COMMD1: variants seen among roughly 807,000 people sequenced by gnomAD.
The protein encoded by COMMD1 is copper metabolism domain containing 1, also known as COMM domain-containing protein 1.
Under a neutral mutation model 17.2 loss-of-function variants are expected in COMMD1, and 10 were observed. The observed-to-expected ratio is 0.58, with a 90% CI of 0.36 to 0.99. The LOEUF (loss-of-function observed/expected upper bound fraction) is 0.99. COMMD1 is among the 50% of genes least tolerant of loss of function. The pLI, the probability that COMMD1 is intolerant of heterozygous loss-of-function variation, is 0.01. For missense variants in COMMD1, 270 were observed against 231.8 expected (o/e 1.17, Z -1.07); for synonymous variants, 97 against 91.6 (o/e 1.06, Z -0.34).
chr2:62,119,052 C>T (rs1319615634), intron 2 of COMMD1: 2 of 152,162 alleles, frequency 1.3e-5, no homozygotes, highest in Non-Finnish European at 2.9e-5. Flanking sequence ...TGGAGATAAA[C>T]ACATAAAGAG....
chr2:62,053,820 A>G (rs989099150), intron 2 of COMMD1, among the ~76,000 whole-genome samples: 8 of 152,202 alleles, frequency 5.3e-5, no homozygotes, highest in Non-Finnish European at 7.3e-5. Flanking sequence ...GTTTTTGTCA[A>G]TTTAAAATGA....
chr2:62,084,258 C>T (rs552636108), intron 2 of COMMD1, among the ~76,000 whole-genome samples: 11 of 152,254 alleles, frequency 7.2e-5, no homozygotes, highest in African/African-American at 2.2e-4. Context: ...TTTGACTTCT[C>T]AAAAACTTAA....
At chr2:61,975,167 T>C (rs1235532079) in intron 1 of COMMD1, among the ~76,000 whole-genome samples, 9 of 149,916 alleles carry the variant, frequency 6.0e-5, no homozygotes, top group Admixed American at 3.3e-4. Flanking sequence ...ACTCTAATTT[T>C]CCTCTTTGGG....
At chr2:62,060,411 T>C (rs972651589) in intron 2 of COMMD1, among the ~76,000 whole-genome samples, 2 of 152,246 alleles carry the variant, frequency 1.3e-5, no homozygotes, top group Non-Finnish European at 2.9e-5. Flanking sequence ...TGTTTATGAC[T>C]CTTCTTTTAT....
chr2:61,953,484 T>C (rs934223385), intron 1 of COMMD1, among the ~76,000 whole-genome samples: 4 of 151,570 alleles, frequency 2.6e-5, no homozygotes, highest in Non-Finnish European at 5.9e-5. Context: ...TACTCCTGCC[T>C]CAGCCTCACG....
At chr2:61,897,567 A>G (rs1669574601) in intron 1 of COMMD1, among the ~76,000 whole-genome samples, 1 of 152,016 alleles carries the variant, frequency 6.6e-6, no homozygotes, top group South Asian at 2.1e-4. Flanking sequence ...GGCCAACATG[A>G]TGAAATCCCG....
intron 2 of COMMD1, among the ~76,000 whole-genome samples, chr2:62,007,907 C>T (rs1037474138): frequency 1.1e-4 from 17 of 152,070 alleles, no homozygotes; most frequent in African/African-American, 3.1e-4. Context: ...TATGTCTGGG[C>T]GCAGTGGCTC....
chr2:61,962,345 C>T (rs1045965939), intron 1 of COMMD1, among the ~76,000 whole-genome samples: 1 of 152,130 alleles, frequency 6.6e-6, no homozygotes, highest in African/African-American at 2.4e-5. Context: ...GAATTTCTTC[C>T]GTGATAGGAG....
chr2:62,005,891 C>G (rs1235592352), intron 2 of COMMD1, among the ~76,000 whole-genome samples: 1 of 151,674 alleles, frequency 6.6e-6, no homozygotes, highest in Non-Finnish European at 1.5e-5. Context: ...AAGACACATG[C>G]ACACGTATGT....
intron 2 of COMMD1, among the ~76,000 whole-genome samples, chr2:62,038,229 A>G (rs1670091131): frequency 6.6e-6 from 1 of 152,194 alleles, no homozygotes. Context: ...CGGAGGTTGC[A>G]GTCAGCCGAG....
intron 2 of COMMD1, among the ~76,000 whole-genome samples, chr2:62,130,154 C>CAA (rs531499822): frequency 8.6e-4 from 77 of 89,382 alleles, no homozygotes; most frequent in African/African-American, 1.9e-3. Context: ...GACTCTGTCT[C>CAA]AAAAAAAAAA....
chr2:62,035,113 G>C (rs1019607797), intron 2 of COMMD1, among the ~76,000 whole-genome samples: 48 of 152,216 alleles, frequency 3.2e-4, no homozygotes, highest in African/African-American at 1.1e-3. Flanking sequence ...CACTACTACA[G>C]CACAGACCTC....
chr2:62,015,306 C>T (rs1039467379), intron 2 of COMMD1, among the ~76,000 whole-genome samples: 2 of 152,198 alleles, frequency 1.3e-5, no homozygotes, highest in African/African-American at 4.8e-5. Flanking sequence ...GTTTATTTTA[C>T]ACATAGTGTC....
upstream of COMMD1, chr2:61,905,550 C>G (rs369600690): frequency 1.1e-6 from 1 of 871,378 alleles, no homozygotes; most frequent in East Asian, 2.7e-5. Context: ...CAACTCTGAC[C>G]CCTGGGGAAG....
At position 61,942,395 on chromosome 2, in the gene COMMD1, C is replaced by T. The variant is rs537598597; in HGVS notation, c.180+36537C>T. Reference sequence around the variant, plus strand: ...CTGGGATTATAGGCATGAGCCACCACGCCTGGCTGTTTGTTTGTTGGTTTG... The same window carrying T: ...CTGGGATTATAGGCATGAGCCACCATGCCTGGCTGTTTGTTTGTTGGTTTG... On this transcript the variant is annotated intron_variant, in intron 1 of 2. Transcript: ENST00000311832. Among the ~76,000 whole-genome samples, 303 of 150,750 alleles carry T rather than the reference C, an allele frequency of 2.0e-3. 1 individual carries two copies. The highest frequency in any genetic ancestry group is 6.8e-3 in the African/African-American group (277 of 41,000).
At chr2:61,984,128 G>A (rs1390082824) in intron 1 of COMMD1, among the ~76,000 whole-genome samples, 2 of 152,100 alleles carry the variant, frequency 1.3e-5, no homozygotes, top group Non-Finnish European at 2.9e-5. Context: ...AGGTTCAAGC[G>A]ATTCTCCCAC....
At chr2:61,915,312 A>G (rs1020678488) in intron 1 of COMMD1, among the ~76,000 whole-genome samples, 1 of 151,388 alleles carries the variant, frequency 6.6e-6, no homozygotes, top group African/African-American at 2.4e-5. Flanking sequence ...AGCCCGGATT[A>G]TTTTATCTCT....
At chr2:62,023,038 C>A (rs1669651477) in intron 2 of COMMD1, among the ~76,000 whole-genome samples, 1 of 152,110 alleles carries the variant, frequency 6.6e-6, no homozygotes, top group African/African-American at 2.4e-5. Flanking sequence ...ACCAGCCTGA[C>A]CAACATGGTG....
intron 2 of COMMD1, among the ~76,000 whole-genome samples, chr2:62,083,976 T>C (rs1387508220): frequency 2.6e-5 from 4 of 152,214 alleles, no homozygotes; most frequent in African/African-American, 9.6e-5. Flanking sequence ...CTACTGAAAT[T>C]CTGGCTTCTA....
Sources: gnomAD v4.1 joint callset for allele counts (sites outside exome capture counted in the v4.1 genomes callset) on GRCh38, gnomAD v4.1.1 for gene constraint, MANE v1.5 for transcripts, NCBI Gene and HGNC (gene_info 2026-07-23, HGNC 2026-07-21) for gene names.